Variants in TBL3 observed in about 807,000 individuals in gnomAD.
TBL3 encodes the protein transducin beta like 3.
TBL3 carries 71 observed loss-of-function variants against 102.7 expected under a neutral mutation model. The observed-to-expected ratio is 0.69, with a 90% CI of 0.57 to 0.84. The LOEUF (loss-of-function observed/expected upper bound fraction) is 0.84. Among genes scored for constraint, TBL3 ranks in the 40% least tolerant of loss-of-function variants. TBL3 has a pLI of 0.00. For missense variants in TBL3, 1,188 were observed against 1,098.5 expected (o/e 1.08, Z -1.15); for synonymous variants, 578 against 477.7 (o/e 1.21, Z -2.74).
At position 1,975,254 on chromosome 16, in the gene TBL3, G is replaced by A. The variant is rs35265313; in HGVS notation, c.703G>A (p.Val235Met). Residue 235 changes from valine (V) to methionine (M), a missense_variant, in exon 8 of 22, where the codon GTG (valine) becomes ATG (methionine). Val to Met is a conservative substitution (Grantham distance 21, BLOSUM62 1). Coordinates refer to ENST00000568546, the MANE Select transcript of TBL3 (RefSeq NM_006453.3). ...CTGCCAGGCCACGAGGACCGTGCCTGTGTTTGAGGTGGGGATGCCTGGAGG... is the reference window on the plus strand; with the variant it reads ...CTGCCAGGCCACGAGGACCGTGCCTATGTTTGAGGTGGGGATGCCTGGAGG... ...QSCQATRTVP[V>M]FESVEAAVLL... 2.9e-3 allele frequency: 4,697 copies of A among 1,614,012 alleles called. 15 individuals are homozygous for A. Among genetic ancestry groups the A allele is most frequent in the Admixed American group, 4.4e-3 (265 of 60,032 alleles).
chr16:1,977,001 C>A (rs376826545), intron 14 of TBL3, 40 bp downstream of exon 14: 1 of 1,612,638 alleles, frequency 6.2e-7, no homozygotes, highest in Non-Finnish European at 8.5e-7. Context: ...TGGCCAAGCC[C>A]TTGCTGGGGG....
chr16:1,973,536 C>T (rs1158351345), intron 1 of TBL3, among the ~76,000 whole-genome samples: 1 of 152,120 alleles, frequency 6.6e-6, no homozygotes, highest in African/African-American at 2.4e-5. Context: ...CAGGTGGAGG[C>T]AGTGGAGAAG....
Position 1,979,360 on chromosome 16 carries a change from CG to C in TBL3, c.*679del. On this transcript the variant is annotated 3_prime_UTR_variant, in exon 22 of 22. Coordinates refer to ENST00000568546, the MANE Select transcript of TBL3 (RefSeq NM_006453.3). ...GCCCGGTCGCCGTACCTGCGAGGGGCGGGGTGTGGTTAGGGCCCCGCCCGCC... is the reference window on the plus strand; with the variant it reads ...GCCCGGTCGCCGTACCTGCGAGGGGCGGGTGTGGTTAGGGCCCCGCCCGCC... The C allele has an allele frequency of 6.3e-7, 1 of 1,583,682 alleles. No homozygotes were observed. The highest frequency in any genetic ancestry group is 1.3e-5 in the African/African-American group (1 of 74,310).
At position 1,974,204 on chromosome 16, in the gene TBL3, A is replaced by G. The variant is rs146842912; in HGVS notation, c.101A>G (p.Gln34Arg). 1.5e-4 allele frequency: 238 copies of G among 1,592,314 alleles called. No individual in the cohort carries two copies. The highest frequency in any genetic ancestry group is 2.0e-4 in the Non-Finnish European group (231 of 1,167,676). ...AGACCTCTCTGTCCCCAGCTGGACC[A>G]GACTGGCCAGCACCTCTTCTGCGTC... ...FYKGGKAQLDQTGQHLFCVCG... is the reference protein window; with the variant it reads ...FYKGGKAQLDRTGQHLFCVCG... Residue 34 changes from glutamine to arginine, a missense_variant, in exon 3 of 22, where the codon CAG becomes CGG. Gln to Arg is a conservative substitution (Grantham distance 43). Transcript: ENST00000568546.
In TBL3 at chr16:1,981,199, C is replaced by T. The variant is rs377665551; in HGVS notation, c.*2514C>T. 130 of 1,613,274 alleles carry T rather than the reference C, an allele frequency of 8.1e-5. No homozygotes were observed. Among genetic ancestry groups the T allele is most frequent in the Non-Finnish European group, 1.0e-4 (122 of 1,179,982 alleles). On this transcript the variant is annotated 3_prime_UTR_variant, in exon 22 of 22. Coordinates refer to ENST00000568546, the MANE Select transcript of TBL3 (RefSeq NM_006453.3). The stretch of plus-strand genomic sequence containing the variant: ...TGCCATGGCTGTGGCTTCCAGGCTG[C>T]AGATTCCTGAAATGGGCGAGGACCC...
rs1311047000 is a variant in TBL3, at chr16:1,980,339, T to A, written c.*1654T>A. 5 of 1,590,678 alleles carry A rather than the reference T, an allele frequency of 3.1e-6. No homozygotes were observed. In the South Asian group the frequency reaches 5.5e-5, roughly 18 times the overall value. ...TCTCCCAGCTCCAAACGCCGCTGCA[T>A]GCTGGGAGTTTGGGGCGAGTCAGGC... On this transcript the variant is annotated 3_prime_UTR_variant, in exon 22 of 22. Transcript: ENST00000568546.
In TBL3 at chr16:1,980,804, C is replaced by T. The variant is rs757439166; in HGVS notation, c.*2119C>T. ...CCTTGAGAGGGCGGGGTCCCTCACC[C>T]GGATGGCAGGGGCTGGGAGCTTCAG... On this transcript the variant is annotated 3_prime_UTR_variant, in exon 22 of 22. Transcript: ENST00000568546. 1.1e-5 allele frequency: 16 copies of T among 1,501,958 alleles called. No homozygotes were observed. In the Admixed American group the frequency reaches 1.2e-4, roughly 11 times the overall value. 93.0% of individuals were successfully genotyped at this position (1,501,958 alleles called of 1,614,324 possible).
chr16:1,978,703 C>T lies in TBL3; in HGVS notation c.*18C>T. On this transcript the variant is annotated 3_prime_UTR_variant, in exon 22 of 22. Coordinates refer to ENST00000568546, the MANE Select transcript of TBL3 (RefSeq NM_006453.3). ...TGCCCTAGCCGGTCCGGCCTCTCTC[C>T]AGTCCATCCTGAACCCCTGGAAAAC... The T allele has an allele frequency of 6.2e-7, 1 of 1,601,196 alleles. No individual in the cohort carries two copies. The highest frequency in any genetic ancestry group is 8.5e-7 in the Non-Finnish European group (1 of 1,170,994).
rs2046165113 is a variant in TBL3 at position 1,982,829 on chromosome 16, A to T, written c.*4144A>T. 1 of 151,846 alleles carries T rather than the reference A, an allele frequency of 6.6e-6. No individual in the cohort carries two copies. The highest frequency in any genetic ancestry group is 6.6e-5 in the Admixed American group (1 of 15,222). 9.4% of individuals were successfully genotyped at this position (151,846 alleles called of 1,614,324 possible). A position where few individuals can be genotyped will look rare whatever the true frequency, so the allele number is the denominator to read the frequency against. On this transcript the variant is annotated 3_prime_UTR_variant, in exon 22 of 22. Transcript: ENST00000568546. ...AGTCTACTTGGGAGGCTGAGGTGGGAGATCACTTGAGCCTAAGCAGTCGCG... is the reference window on the plus strand; with the variant it reads ...AGTCTACTTGGGAGGCTGAGGTGGGTGATCACTTGAGCCTAAGCAGTCGCG...
In TBL3 at chr16:1,980,816, G is replaced by T. The variant is rs1567332160; in HGVS notation, c.*2131G>T. 7 of 1,484,142 alleles carry T rather than the reference G, an allele frequency of 4.7e-6. No individual in the cohort carries two copies. The East Asian group carries it at 1.2e-4, about 26-fold the overall frequency. The allele number at this position is 1,484,142 out of a possible 1,614,324, so 91.9% of individuals were successfully genotyped here. ...GGGGTCCCTCACCCGGATGGCAGGGGCTGGGAGCTTCAGCAGGGACGAAGG... is the reference window on the plus strand; with the variant it reads ...GGGGTCCCTCACCCGGATGGCAGGGTCTGGGAGCTTCAGCAGGGACGAAGG... On this transcript the variant is annotated 3_prime_UTR_variant, in exon 22 of 22. Coordinates refer to ENST00000568546, the MANE Select transcript of TBL3 (RefSeq NM_006453.3).
chr16:1,975,659 C>T lies in TBL3; in HGVS notation c.936C>T (p.Ala312=), dbSNP rs767178389. ...HTAGVVLTAT[A]DHNLLLYEAR... ...CCGGCGTGGTCCTCACCGCCACCGCCGACCACAACCTGTTGCTCTACGAGG... is the reference window on the plus strand; with the variant it reads ...CCGGCGTGGTCCTCACCGCCACCGCTGACCACAACCTGTTGCTCTACGAGG... Residue 312 remains alanine, a synonymous_variant, in exon 10 of 22, where the codon GCC becomes GCT. Coordinates refer to ENST00000568546, the MANE Select transcript of TBL3 (RefSeq NM_006453.3). 39 of 1,608,042 alleles carry T rather than the reference C, an allele frequency of 2.4e-5. No individual in the cohort carries two copies. Among genetic ancestry groups the T allele is most frequent in the Admixed American group, 1.2e-4 (7 of 59,974 alleles).
In TBL3 at chr16:1,977,775, G is replaced by A. The variant is rs1386172293; in HGVS notation, c.1933G>A (p.Ala645Thr). Residue 645 changes from alanine (A) to threonine (T), a missense_variant, in exon 18 of 22, where the codon GCC (alanine) becomes ACC (threonine). Coordinates refer to ENST00000568546, the MANE Select transcript of TBL3 (RefSeq NM_006453.3). ...VTEAEQAEEQ[A>T]RQEEQVVRQQ... ...CGAGGCGGAGCAGGCAGAGGAGCAG[G>A]CCAGGCAAGAGGAGCAGGTGGTCAG... The A allele has an allele frequency of 2.6e-6, 4 of 1,556,226 alleles. No homozygotes were observed. In the South Asian group the frequency reaches 3.5e-5, roughly 14 times the overall value.
chr16:1,972,486 G>C (rs2083367821), intron 1 of TBL3, among the ~76,000 whole-genome samples: 2 of 152,252 alleles, frequency 1.3e-5, no homozygotes. Flanking sequence ...GTCCCGATGA[G>C]GGGAGGAGAG....
rs1443443420 is a variant in TBL3 at position 1,978,483 on chromosome 16, C to T, written c.2293+12C>T. ...GCTGCCCTACACTGGTATGTGGGCA[C>T]AGCCTGGGGTTGGGGGATCCTGGTG... is the stretch of plus-strand genomic sequence containing the variant. On this transcript the variant is annotated intron_variant, in intron 21 of 21. Coordinates refer to ENST00000568546, the MANE Select transcript of TBL3 (RefSeq NM_006453.3). 2 of 1,594,504 alleles carry T rather than the reference C, an allele frequency of 1.3e-6. No individual in the cohort carries two copies. The highest frequency in any genetic ancestry group is 1.7e-6 in the Non-Finnish European group (2 of 1,168,520).
chr16:1,978,292 T>C, intron 20 of TBL3, 21 bp from the exon 21 acceptor site: 1 of 1,610,580 alleles, frequency 6.2e-7, no homozygotes, highest in South Asian at 1.1e-5. Context: ...GGCAAGACGA[T>C]GAGGGTCCTG....
Position 1,979,764 on chromosome 16 carries a change from C to T in TBL3, c.*1079C>T, listed in dbSNP as rs2083459268. The T allele has an allele frequency of 8.2e-6, 12 of 1,468,690 alleles. No homozygotes were observed. Among genetic ancestry groups the T allele is most frequent in the Non-Finnish European group, 1.0e-5 (11 of 1,093,850 alleles). The allele number at this position is 1,468,690 out of a possible 1,614,324, so 91.0% of individuals were successfully genotyped here. A position where few individuals can be genotyped will look rare whatever the true frequency, so the allele number is the denominator to read the frequency against. ...CCACACGGTCAAGCCGCAGTGGTGGCGTGAGGGGTGGGGTTAGGCGCATAC... is the reference window on the plus strand; with the variant it reads ...CCACACGGTCAAGCCGCAGTGGTGGTGTGAGGGGTGGGGTTAGGCGCATAC... On this transcript the variant is annotated 3_prime_UTR_variant, in exon 22 of 22. Transcript: ENST00000568546.
rs975780959 is a variant in TBL3 at position 1,982,241 on chromosome 16, C to G, written c.*3556C>G. On this transcript the variant is annotated 3_prime_UTR_variant, in exon 22 of 22. Transcript: ENST00000568546. ...AAAGGGCCTTTGTGTGTCTGTCCCA[C>G]CAGCACTCTCTCTCATGCCCTCAAG... The G allele has an allele frequency of 6.6e-6, 1 of 152,250 alleles. No individual in the cohort carries two copies. Among genetic ancestry groups the G allele is most frequent in the African/African-American group, 2.4e-5 (1 of 41,410 alleles). 9.4% of individuals were successfully genotyped at this position (152,250 alleles called of 1,614,324 possible). A position where few individuals can be genotyped will look rare whatever the true frequency, so the allele number is the denominator to read the frequency against.
chr16:1,974,969 TCTC>T lies in TBL3; in HGVS notation c.510_512del (p.Ser171del), dbSNP rs751991596. The stretch of plus-strand genomic sequence containing the variant: ...CCGGACCCTACACGCCTGCTGCTCT[TCTC>T]CTCGGCCACGGATGCCGCCATCCGC... On this transcript the variant is annotated inframe_deletion, in exon 7 of 22. Coordinates refer to ENST00000568546, the MANE Select transcript of TBL3 (RefSeq NM_006453.3). The T allele has an allele frequency of 4.3e-5, 69 of 1,609,466 alleles. No homozygotes were observed. Among genetic ancestry groups the T allele is most frequent in the Non-Finnish European group, 5.5e-5 (65 of 1,179,958 alleles).
Position 1,979,241 on chromosome 16 carries a change from C to T in TBL3, c.*556C>T, listed in dbSNP as rs1188024385. On this transcript the variant is annotated 3_prime_UTR_variant, in exon 22 of 22. Transcript: ENST00000568546. ...GGGAGGGTTCAGGGAAGCCCCGGGC[C>T]TCACCCGCCGGGTCGTCTCCTCCAC... is the stretch of plus-strand genomic sequence containing the variant. The T allele has an allele frequency of 2.0e-6, 3 of 1,511,024 alleles. No homozygotes were observed. Among genetic ancestry groups the T allele is most frequent in the East Asian group, 2.5e-5 (1 of 39,494 alleles). The allele number at this position is 1,511,024 out of a possible 1,614,324, so 93.6% of individuals were successfully genotyped here. A position where few individuals can be genotyped will look rare whatever the true frequency, so the allele number is the denominator to read the frequency against.
Sources: allele counts gnomAD v4.1 joint callset (sites outside exome capture counted in the v4.1 genomes callset), GRCh38; gene constraint gnomAD v4.1.1; transcripts MANE v1.5; gene names NCBI Gene and HGNC (gene_info 2026-07-23, HGNC 2026-07-21).